The following DUS3L variants were observed in gnomAD, a reference collection of about 807,000 sequenced individuals.
DUS3L encodes tRNA-dihydrouridine(47) synthase [NAD(P)(+)]-like.
DUS3L carries 62 observed loss-of-function variants against 74.6 expected under a neutral mutation model. That is an observed-to-expected ratio of 0.83 (90% CI 0.68 to 1.03). The LOEUF is 1.03. Among genes scored for constraint, DUS3L ranks in the 50% least tolerant of loss-of-function variants. DUS3L has a pLI of 0.00. For missense variants in DUS3L, 884 were observed against 924.4 expected, an observed-to-expected ratio of 0.96 and a Z score of 0.57; for synonymous variants, 433 against 395.7, an observed-to-expected ratio of 1.09 and a Z score of -1.12.
intron 4 of DUS3L, 75 bp downstream of exon 4, chr19:5,788,282 G>T: frequency 6.2e-7 from 1 of 1,611,046 alleles, no homozygotes; most frequent in East Asian, 2.2e-5. Context: ...AGTAGGTGGG[G>T]ACAGACACTA....
At chr19:5,789,893 A>G (rs2056892730) in intron 2 of DUS3L, 154 bp downstream of exon 2, 2 of 1,309,576 alleles carry the variant, frequency 1.5e-6, no homozygotes, top group Admixed American at 2.3e-5. Flanking sequence ...CAAGCCCTAC[A>G]ATGTATCCCG....
At chr19:5,790,988 C>G in intron 1 of DUS3L, 56 bp downstream of exon 1, 1 of 1,516,700 alleles carries the variant, frequency 6.6e-7, no homozygotes, top group East Asian at 2.4e-5. Flanking sequence ...CAGCTCGGAC[C>G]GCGCTATGGG....
rs1158568072 is a variant in DUS3L at position 5,790,945 on chromosome 19, G to T, written c.98+99C>A. 4.1e-6 allele frequency: 5 copies of T among 1,204,870 alleles called. No homozygotes were observed. In the African/African-American group the frequency reaches 6.1e-5, roughly 15 times the overall value. 74.6% of individuals were successfully genotyped at this position (1,204,870 alleles called of 1,614,324 possible). On this transcript the variant is annotated intron_variant, in intron 1 of 12. Transcript: ENST00000309061. ...CGGAATGAAGAGCCGGTGGCTTCTCGCCCTCAGCCGCTGCCTAATCTCCCG... is the reference window on the plus strand; with the variant it reads ...CGGAATGAAGAGCCGGTGGCTTCTCTCCCTCAGCCGCTGCCTAATCTCCCG...
Position 5,787,618 on chromosome 19 carries a change from C to T in DUS3L, c.1183G>A (p.Gly395Ser), listed in dbSNP as rs148984495. ...VEVDFVDINV[G>S]CPIDLVYKKG... Reference sequence around the variant, plus strand: ...TTGTACACGAGGTCGATGGGGCAGCCGACGTTGATGTCCACAAAGTCCACC... The same window carrying T: ...TTGTACACGAGGTCGATGGGGCAGCTGACGTTGATGTCCACAAAGTCCACC... The change falls in exon 6 of 13, where the codon GGC (glycine) becomes AGC (serine). Residue 395 changes from glycine to serine, a missense_variant. Gly to Ser is a moderately conservative substitution (Grantham distance 56, BLOSUM62 0). Coordinates refer to ENST00000309061, the MANE Select transcript of DUS3L (RefSeq NM_020175.3). 1.4e-5 allele frequency: 22 copies of T among 1,613,734 alleles called. No homozygotes were observed. The highest frequency in any genetic ancestry group is 1.7e-5 in the Non-Finnish European group (20 of 1,179,980).
At chr19:5,788,441 C>A (rs1302043147) in intron 3 of DUS3L, 43 bp from the exon 4 acceptor site, 2 of 1,592,110 alleles carry the variant, frequency 1.3e-6, no homozygotes, top group Non-Finnish European at 1.7e-6. Context: ...TGGCCTCCAC[C>A]CCAGCTGCTG....
At position 5,790,577 on chromosome 19, in the gene DUS3L, T is replaced by A. The variant is rs377678286; in HGVS notation, c.99-242A>T. Among the ~76,000 whole-genome samples, 4 of 152,264 alleles carry A rather than the reference T, an allele frequency of 2.6e-5. No individual in the cohort carries two copies. The East Asian group carries it at 7.7e-4, about 29-fold the overall frequency. ...TATCAGGTTCAGTCAAGAACGTCCCTGCGCACGTTAGGCTGCGAAAAACTA... is the reference window on the plus strand; with the variant it reads ...TATCAGGTTCAGTCAAGAACGTCCCAGCGCACGTTAGGCTGCGAAAAACTA... On this transcript the variant is annotated intron_variant, in intron 1 of 12. Coordinates refer to ENST00000309061, the MANE Select transcript of DUS3L (RefSeq NM_020175.3).
intron 10 of DUS3L, among the ~76,000 whole-genome samples, chr19:5,786,230 T>G (rs891846984): frequency 6.6e-6 from 1 of 152,206 alleles, no homozygotes; most frequent in African/African-American, 2.4e-5. Context: ...ATTACAGGCG[T>G]GAGCCACACA....
At chr19:5,788,229 ACACACAG>A in intron 4 of DUS3L, 53 bp from the exon 5 acceptor site, 1 of 1,610,838 alleles carries the variant, frequency 6.2e-7, no homozygotes, top group South Asian at 1.1e-5. Flanking sequence ...ACACACACAC[ACACACAG>A]CAGAACCCTG....
chr19:5,787,660 G>A lies in DUS3L; in HGVS notation c.1141C>T (p.Leu381=), dbSNP rs375333515. 4 of 1,613,730 alleles carry A rather than the reference G, an allele frequency of 2.5e-6. No individual in the cohort carries two copies. The African/African-American group carries it at 4.0e-5, about 16-fold the overall frequency. Residue 381 remains leucine, a synonymous_variant, in exon 6 of 13, where the codon CTG becomes TTG. Transcript: ENST00000309061. ...AAGTCCACCTCCACGGTGCGGCTCA[G>A]CAGCTCGGCACACTTGGTCATGGTG... ...PDTMTKCAEL[L]SRTVEVDFVD...
chr19:5,786,852 G>T lies in DUS3L; in HGVS notation c.1390-7C>A. ...CCCGAGAGCGGCCGTGGAGCTGGGG[G>T]AGAAGCCGCCACGCAGGGTAGGAGG... is the stretch of plus-strand genomic sequence containing the variant. On this transcript the variant is annotated splice_region_variant and splice_polypyrimidine_tract_variant and intron_variant, in intron 8 of 12. Coordinates refer to ENST00000309061, the MANE Select transcript of DUS3L (RefSeq NM_020175.3). 6.2e-7 allele frequency: 1 copy of T among 1,605,102 alleles called. No individual in the cohort carries two copies. The highest frequency in any genetic ancestry group is 8.5e-7 in the Non-Finnish European group (1 of 1,176,942).
At chr19:5,788,420 C>T (rs199852271) in intron 3 of DUS3L, 22 bp from the exon 4 acceptor site, 2 of 1,609,034 alleles carry the variant, frequency 1.2e-6, no homozygotes, top group African/African-American at 1.3e-5. Context: ...AAAATACACA[C>T]AAGTGGAGCT....
chr19:5,790,684 C>T (rs979129883), intron 1 of DUS3L: 1 of 540,184 alleles, frequency 1.9e-6, no homozygotes, highest in East Asian at 3.3e-5. Flanking sequence ...ACCGCAGGCC[C>T]CAGCACGCCC....
At chr19:5,785,339 C>T (rs765691223) in intron 12 of DUS3L, 44 bp downstream of exon 12, 22 of 1,606,550 alleles carry the variant, frequency 1.4e-5, no homozygotes, top group East Asian at 6.7e-5. Flanking sequence ...TCCGTGACCC[C>T]GGGCCCCCGA....
At position 5,787,666 on chromosome 19, in the gene DUS3L, C is replaced by T. The variant is rs369668022; in HGVS notation, c.1135G>A (p.Glu379Lys). 11 of 1,613,666 alleles carry T rather than the reference C, an allele frequency of 6.8e-6. No homozygotes were observed. Among genetic ancestry groups the T allele is most frequent in the East Asian group, 2.2e-5 (1 of 44,892 alleles). ...ACCTCCACGGTGCGGCTCAGCAGCT[C>T]GGCACACTTGGTCATGGTGTCGGGG... ...AFPDTMTKCA[E>K]LLSRTVEVDF... is the part of the protein sequence containing the mutation. Residue 379 changes from glutamate (E) to lysine (K), a missense_variant, in exon 6 of 13, where the codon GAG becomes AAG. By Grantham distance (56) the Glu-to-Lys change is moderately conservative. Coordinates refer to ENST00000309061, the MANE Select transcript of DUS3L (RefSeq NM_020175.3).
chr19:5,789,427 C>T lies in DUS3L; in HGVS notation c.680G>A (p.Arg227Gln), dbSNP rs2056887216. 1 of 1,597,284 alleles carries T rather than the reference C, an allele frequency of 6.3e-7. No individual in the cohort carries two copies. The highest frequency in any genetic ancestry group is 8.5e-7 in the Non-Finnish European group (1 of 1,176,348). The change falls in exon 3 of 13, where the codon CGA (arginine) becomes CAA (glutamine). Residue 227 changes from arginine (R) to glutamine (Q), a missense_variant. By Grantham distance (43) the Arg-to-Gln change is conservative (BLOSUM62 1). Coordinates refer to ENST00000309061, the MANE Select transcript of DUS3L (RefSeq NM_020175.3). ...GAACCGGCGCAGGGCCTGCTCAGCT[C>T]GCTCGAAGCGGACCTCGCGCTTCCG... The part of the protein sequence containing the change: ...QLRKREVRFE[R>Q]AEQALRRFSQ...
At chr19:5,786,111 C>A in intron 10 of DUS3L, 1 of 465,310 alleles carries the variant, frequency 2.1e-6, no homozygotes. Context: ...ACCACTACAC[C>A]TGGCTAATTT....
rs187270701 is a variant in DUS3L, at chr19:5,786,498, G to A, written c.1531C>T (p.Gln511Ter). 8 of 1,613,092 alleles carry A rather than the reference G, an allele frequency of 5.0e-6. No homozygotes were observed. In the East Asian group the frequency reaches 6.7e-5, roughly 13 times the overall value. The change falls in exon 10 of 13, where the codon CAG (glutamine) becomes TAG (stop). Residue 511 changes from glutamine (Q) to a stop codon, truncating the protein, a stop_gained. Transcript: ENST00000309061. LOFTEE classifies it high-confidence loss of function. ...ATCATGATCCCGGTGACACCAGTCT[G>A]CATGGCGCGGTTGGCATCCTCAAAT... ...LSFEDANRAM[Q>*]TGVTGIMIAR...
At chr19:5,790,712 C>T (rs1303332776) in intron 1 of DUS3L, 1 of 544,314 alleles carries the variant, frequency 1.8e-6, no homozygotes, top group Admixed American at 3.3e-5. Flanking sequence ...CTCGCTTCAA[C>T]CCCAAGACCC....
chr19:5,790,764 A>T (rs1009434637), intron 1 of DUS3L: 1 of 577,036 alleles, frequency 1.7e-6, no homozygotes. Context: ...CCGTACGTCC[A>T]TATGCAGGGA....
Sources: allele counts gnomAD v4.1 joint callset (sites outside exome capture counted in the v4.1 genomes callset), GRCh38; gene constraint gnomAD v4.1.1; transcripts MANE v1.5; gene names NCBI Gene and HGNC (gene_info 2026-07-23, HGNC 2026-07-21).